Variants in ARHGEF10L observed in about 807,000 individuals in gnomAD.
ARHGEF10L encodes rho guanine nucleotide exchange factor 10-like protein.
A neutral mutation model predicts 141.2 loss-of-function variants in ARHGEF10L; 69 were observed. The ratio of observed to expected loss-of-function variants is 0.49; its 90% CI spans 0.40 to 0.60. The LOEUF is 0.60. Ranked by LOEUF, ARHGEF10L falls within the 20% of genes least tolerant of loss-of-function variation. The pLI is 0.00. For synonymous variants in ARHGEF10L, 711 were observed against 718.5 expected (o/e 0.99, Z 0.17); for missense variants, 1,482 against 1,734.3 (o/e 0.85, Z 2.58).
chr1:17,588,574 G>A (rs1387981844), intron 4 of ARHGEF10L, 95 bp downstream of exon 4: 22 of 1,503,440 alleles, frequency 1.5e-5, no homozygotes, highest in South Asian at 8.0e-5. Flanking sequence ...CAGAGGACCC[G>A]ACTGGTCTTT....
At position 17,656,194 on chromosome 1, in the gene ARHGEF10L, G is replaced by C. The variant is rs540830527; in HGVS notation, c.2705+92G>C. On this transcript the variant is annotated intron_variant, in intron 24 of 28. Transcript: ENST00000361221. The surrounding 1 kb of genome is among the most constrained non-coding windows in gnomAD (Gnocchi z 4.9). ...CTGTAGCCTTCCGGATCTGCCTGTT[G>C]CCCACCAACATTCTCTGCCCCTGGT... The C allele has an allele frequency of 1.9e-5, 26 of 1,376,322 alleles. No individual in the cohort carries two copies. Among genetic ancestry groups the C allele is most frequent in the Non-Finnish European group, 2.4e-5 (24 of 1,010,132 alleles). The allele number at this position is 1,376,322 out of a possible 1,614,324, so 85.3% of individuals were successfully genotyped here. A position where few individuals can be genotyped will look rare whatever the true frequency, so the allele number is the denominator to read the frequency against.
intron 1 of ARHGEF10L, among the ~76,000 whole-genome samples, chr1:17,553,201 G>T (rs2077181406): frequency 6.6e-6 from 1 of 152,210 alleles, no homozygotes; most frequent in South Asian, 2.1e-4. Flanking sequence ...AGTTGCCTGG[G>T]TTCTAATCCC....
chr1:17,620,745 C>T (rs1430551569), intron 10 of ARHGEF10L, among the ~76,000 whole-genome samples: 1 of 152,080 alleles, frequency 6.6e-6, no homozygotes, highest in African/African-American at 2.4e-5. Context: ...GGGGGTCAGT[C>T]ACCTCCCAAC....
At chr1:17,587,355 C>G in intron 2 of ARHGEF10L, 105 bp from the exon 3 acceptor site, 1 of 1,175,702 alleles carries the variant, frequency 8.5e-7, no homozygotes, top group East Asian at 2.5e-5. Flanking sequence ...TGGCTCAGAC[C>G]TGAGGTGCTC....
chr1:17,550,973 G>T (rs2077090723), intron 1 of ARHGEF10L, among the ~76,000 whole-genome samples: 1 of 152,102 alleles, frequency 6.6e-6, no homozygotes, highest in East Asian at 1.9e-4. Flanking sequence ...TCTGTGAGGT[G>T]CAGGTGCTAT....
chr1:17,595,552 C>G (rs1286098395), intron 4 of ARHGEF10L, among the ~76,000 whole-genome samples: 1 of 152,210 alleles, frequency 6.6e-6, no homozygotes, highest in Admixed American at 6.5e-5. Context: ...GAGACTTCCC[C>G]TGGGGGGCTT....
upstream of ARHGEF10L, among the ~76,000 whole-genome samples, chr1:17,539,390 CGGAGAACCGGGGAA>C (rs1225079910): frequency 2.6e-5 from 4 of 152,140 alleles, no homozygotes; most frequent in African/African-American, 9.6e-5. The surrounding 1 kb of genome is among the most constrained non-coding windows in gnomAD (Gnocchi z 6.0). Context: ...GGTCTCCCCG[CGGAGAACCGGGGAA>C]GGAGAACCGG....
At chr1:17,686,105 TC>T (rs146477661) in intron 26 of ARHGEF10L, among the ~76,000 whole-genome samples, 23,613 of 145,886 alleles carry the variant, frequency 0.16, 2,083 homozygotes, top group African/African-American at 0.23. Context: ...TTTCTTTCTT[TC>T]TTTTTTTTTT....
intron 4 of ARHGEF10L, among the ~76,000 whole-genome samples, chr1:17,597,913 A>T (rs2080271646): frequency 6.6e-6 from 1 of 151,674 alleles, no homozygotes; most frequent in Non-Finnish European, 1.5e-5. Context: ...GCCTCTGCCC[A>T]CCTCCACGTC....
chr1:17,612,648 A>G (rs1255836567), intron 7 of ARHGEF10L, among the ~76,000 whole-genome samples: 4 of 152,150 alleles, frequency 2.6e-5, no homozygotes, highest in Non-Finnish European at 4.4e-5. Flanking sequence ...CCATCTGTCT[A>G]TCTCACAAAC....
In ARHGEF10L at chr1:17,634,953, A is replaced by G; in HGVS notation, c.1864A>G (p.Lys622Glu). The change falls in exon 18 of 29, where the codon AAG becomes GAG. Residue 622 changes from lysine (K) to glutamate (E), a missense_variant. Around this residue, in one of 3 missense-constraint regions of ARHGEF10L, gnomAD observed 858 missense variants for 966.3 expected, o/e 0.89. Transcript: ENST00000361221. ...GGGCCAGGACGGTGGCACCTATGAC[A>G]AGGACAATGTGCTCATCCAGCACTC... is the stretch of plus-strand genomic sequence containing the variant. Reference protein sequence around the residue: ...EVGQDGGTYDKDNVLIQHSGA... With the variant: ...EVGQDGGTYDEDNVLIQHSGA... 6.2e-7 allele frequency: 1 copy of G among 1,614,048 alleles called. No homozygotes were observed. The highest frequency in any genetic ancestry group is 8.5e-7 in the Non-Finnish European group (1 of 1,179,950).
At chr1:17,640,323 A>G in intron 21 of ARHGEF10L, 21 bp downstream of exon 21, 1 of 1,593,094 alleles carries the variant, frequency 6.3e-7, no homozygotes, top group Non-Finnish European at 8.6e-7. Flanking sequence ...CCCCAGGGAG[A>G]GTGCCTCAGG....
chr1:17,634,423 G>C, intron 16 of ARHGEF10L, 125 bp from the exon 17 acceptor site: 1 of 1,512,584 alleles, frequency 6.6e-7, no homozygotes, highest in Non-Finnish European at 9.2e-7. Flanking sequence ...TTCCCCGCAG[G>C]AGGCTGTCTC....
the ARHGEF10L span, among the ~76,000 whole-genome samples, chr1:17,519,089 C>T: frequency 2.0e-5 from 3 of 151,854 alleles, no homozygotes; most frequent in South Asian, 4.2e-4. Flanking sequence ...GCAGGAGAAT[C>T]GCTTGAACCT....
At position 17,621,797 on chromosome 1, in the gene ARHGEF10L, C is replaced by A; in HGVS notation, c.943-67C>A. 1 of 1,466,098 alleles carries A rather than the reference C, an allele frequency of 6.8e-7. No individual in the cohort carries two copies. The highest frequency in any genetic ancestry group is 9.6e-7 in the Non-Finnish European group (1 of 1,045,980). 90.8% of individuals were successfully genotyped at this position (1,466,098 alleles called of 1,614,324 possible). A position where few individuals can be genotyped will look rare whatever the true frequency, so the allele number is the denominator to read the frequency against. On this transcript the variant is annotated intron_variant, in intron 10 of 28. Coordinates refer to ENST00000361221, the MANE Select transcript of ARHGEF10L (RefSeq NM_018125.4). The surrounding 1 kb of genome is among the most constrained non-coding windows in gnomAD (Gnocchi z 4.1). ...CTCTGTCCTATAGTTGTCAGCTCCC[C>A]TTCCTGTCACTTGGGCCCTGTGCAG...
chr1:17,655,437 G>GTCCATCCATCCATCCA (rs55790600), intron 23 of ARHGEF10L, among the ~76,000 whole-genome samples: 6 of 148,478 alleles, frequency 4.0e-5, no homozygotes, highest in African/African-American at 1.5e-4. Context: ...TCTATCATCT[G>GTCCATCCATCCATCCA]TCCATCCATC....
At chr1:17,561,281 C>T (rs2077534182) in intron 1 of ARHGEF10L, among the ~76,000 whole-genome samples, 1 of 152,202 alleles carries the variant, frequency 6.6e-6, no homozygotes, top group Non-Finnish European at 1.5e-5. Flanking sequence ...CCCCCCGCCC[C>T]GTCATGCTGG....
chr1:17,613,261 C>A, intron 8 of ARHGEF10L, 87 bp downstream of exon 8: 1 of 1,152,676 alleles, frequency 8.7e-7, no homozygotes, highest in Non-Finnish European at 1.3e-6. Flanking sequence ...GCCCTGGTAC[C>A]ACGAAGCCTA....
chr1:17,632,187 G>T, intron 15 of ARHGEF10L, 134 bp from the exon 16 acceptor site: 1 of 1,107,562 alleles, frequency 9.0e-7, no homozygotes, highest in East Asian at 2.4e-5. Flanking sequence ...CAGGGATGGA[G>T]GGAGTGGCTT....
Sources: allele counts gnomAD v4.1 joint callset (sites outside exome capture counted in the v4.1 genomes callset), GRCh38; gene constraint gnomAD v4.1.1; regional missense constraint gnomAD v4.1.1; non-coding constraint Gnocchi (gnomAD v3.1); transcripts MANE v1.5; gene names NCBI Gene and HGNC (gene_info 2026-07-23, HGNC 2026-07-21).